EPHB1: variants seen among roughly 807,000 people sequenced by gnomAD.
The protein encoded by EPHB1 is EPH receptor B1, also known as ephrin type-B receptor 1.
EPHB1 carries 30 observed loss-of-function variants against 94.4 expected under a neutral mutation model. The ratio of observed to expected loss-of-function variants is 0.32; its 90% CI spans 0.24 to 0.43. The LOEUF (loss-of-function observed/expected upper bound fraction) is 0.43, where lower values mean the gene tolerates loss of function less well. Ranked by LOEUF, EPHB1 falls within the 20% of genes least tolerant of loss-of-function variation. The probability of loss-of-function intolerance (pLI) is 1.00; values close to 1 mark genes in which losing one functional copy is unlikely to be tolerated. For synonymous variants in EPHB1, 522 were observed against 489.1 expected (o/e 1.07, Z -0.89); for missense variants, 1,055 against 1,308.3 (o/e 0.81, Z 2.99).
intron 12 of EPHB1, among the ~76,000 whole-genome samples, chr3:135,234,054 C>CT (rs1943594526): frequency 6.6e-6 from 1 of 152,198 alleles, no homozygotes; most frequent in Non-Finnish European, 1.5e-5. Flanking sequence ...GACTCAGCTC[C>CT]TTATTAGTTA....
chr3:135,112,475 GTC>G (rs1939488702), intron 4 of EPHB1, among the ~76,000 whole-genome samples: 3 of 151,798 alleles, frequency 2.0e-5, no homozygotes, highest in African/African-American at 7.2e-5. Flanking sequence ...TGCCATGTTG[GTC>G]TGCTGCACCC....
intron 3 of EPHB1, among the ~76,000 whole-genome samples, chr3:135,008,435 T>G (rs1168742316): frequency 6.6e-6 from 1 of 151,662 alleles, no homozygotes; most frequent in Non-Finnish European, 1.5e-5. Flanking sequence ...CTACAGAGTG[T>G]GTTCTTAAGC....
At chr3:135,052,517 A>C (rs1056987597) in intron 3 of EPHB1, among the ~76,000 whole-genome samples, 3 of 152,054 alleles carry the variant, frequency 2.0e-5, no homozygotes, top group Admixed American at 1.3e-4. Context: ...CACTGTGGCC[A>C]AGTCATGGTG....
chr3:134,902,956 A>T (rs550747196), intron 1 of EPHB1, among the ~76,000 whole-genome samples: 3 of 152,240 alleles, frequency 2.0e-5, no homozygotes, highest in African/African-American at 7.2e-5. Context: ...TTCACCAGGC[A>T]TCTGTAAATT....
chr3:134,859,198 G>T (rs1000074778), intron 1 of EPHB1, among the ~76,000 whole-genome samples: 3 of 152,182 alleles, frequency 2.0e-5, no homozygotes, highest in Non-Finnish European at 4.4e-5. Flanking sequence ...ACAGAGACAT[G>T]CAGTATGATA....
At chr3:135,196,759 G>A (rs1443572751) in intron 11 of EPHB1, among the ~76,000 whole-genome samples, 2 of 152,078 alleles carry the variant, frequency 1.3e-5, no homozygotes, top group Non-Finnish European at 2.9e-5. Context: ...TAGCGTCTTT[G>A]GAGAGTGGCT....
intron 1 of EPHB1, among the ~76,000 whole-genome samples, chr3:134,859,236 G>A (rs1030237095): frequency 2.0e-4 from 30 of 152,156 alleles, no homozygotes; most frequent in African/African-American, 7.0e-4. Flanking sequence ...CTCTTTAATT[G>A]CACCTCCTTC....
At chr3:135,004,537 A>G (rs1377249484) in intron 3 of EPHB1, among the ~76,000 whole-genome samples, 11 of 152,272 alleles carry the variant, frequency 7.2e-5, no homozygotes, top group South Asian at 4.1e-4. Flanking sequence ...TCTCCTGGAT[A>G]ATATCCTGCA....
chr3:134,845,578 G>A lies in EPHB1; in HGVS notation c.58+49889G>A, dbSNP rs542558100. ...TCTGCTGTCCATGCCTCTTTGCCGT[G>A]GCTTCGAGGTCTCTGATCCAGGGCA... On this transcript the variant is annotated intron_variant, in intron 1 of 15. Coordinates refer to ENST00000398015, the MANE Select transcript of EPHB1 (RefSeq NM_004441.5). Among the ~76,000 whole-genome samples the A allele has an allele frequency of 2.0e-5, 3 of 151,950 alleles. No individual in the cohort carries two copies. The South Asian group carries it at 6.2e-4, about 32-fold the overall frequency.
chr3:134,838,731 G>A (rs1305200279), intron 1 of EPHB1, among the ~76,000 whole-genome samples: 1 of 152,132 alleles, frequency 6.6e-6, no homozygotes. Context: ...GGGTGTATCT[G>A]GATCTATTAA....
intron 1 of EPHB1, among the ~76,000 whole-genome samples, chr3:134,895,599 T>G (rs2038071891): frequency 6.6e-6 from 1 of 152,218 alleles, no homozygotes; most frequent in Admixed American, 6.5e-5. Flanking sequence ...ATACAGAATC[T>G]GAAAACATGC....
intron 3 of EPHB1, among the ~76,000 whole-genome samples, chr3:135,094,950 A>G (rs1938704746): frequency 6.6e-6 from 1 of 152,176 alleles, no homozygotes; most frequent in South Asian, 2.1e-4. Context: ...TCTCTCCCAC[A>G]TAGACACAAA....
chr3:135,234,518 A>C (rs1943602901), intron 12 of EPHB1, among the ~76,000 whole-genome samples: 1 of 152,174 alleles, frequency 6.6e-6, no homozygotes, highest in Non-Finnish European at 1.5e-5. Flanking sequence ...CCACATTTTC[A>C]GGTATCCTTA....
At chr3:134,848,984 A>G (rs1239616381) in intron 1 of EPHB1, among the ~76,000 whole-genome samples, 1 of 152,140 alleles carries the variant, frequency 6.6e-6, no homozygotes, top group African/African-American at 2.4e-5. Context: ...GGCAGGCAAG[A>G]CTCAGCCTTG....
At chr3:135,095,488 C>G (rs1938723419) in intron 3 of EPHB1, among the ~76,000 whole-genome samples, 1 of 152,302 alleles carries the variant, frequency 6.6e-6, no homozygotes, top group East Asian at 1.9e-4. Flanking sequence ...CCCCACTCCT[C>G]CAGTCCATTC....
At chr3:134,899,159 C>T (rs921901191) in intron 1 of EPHB1, among the ~76,000 whole-genome samples, 1 of 152,148 alleles carries the variant, frequency 6.6e-6, no homozygotes, top group African/African-American at 2.4e-5. Flanking sequence ...TGAGGGTTGA[C>T]AGGGCAATTC....
chr3:134,948,775 C>T (rs2039264474), intron 2 of EPHB1, among the ~76,000 whole-genome samples: 1 of 152,240 alleles, frequency 6.6e-6, no homozygotes, highest in South Asian at 2.1e-4. Flanking sequence ...GCAGCCCCCT[C>T]AGGGCTCACT....
chr3:135,236,005 T>C (rs368769204), intron 12 of EPHB1, among the ~76,000 whole-genome samples: 1 of 152,220 alleles, frequency 6.6e-6, no homozygotes, highest in Non-Finnish European at 1.5e-5. Flanking sequence ...TTAACAGTGG[T>C]ATTGTTAAAC....
intron 5 of EPHB1, among the ~76,000 whole-genome samples, chr3:135,152,574 T>G (rs1290475511): frequency 1.3e-5 from 2 of 152,092 alleles, no homozygotes; most frequent in African/African-American, 4.8e-5. Flanking sequence ...AGGTCTGATC[T>G]CTGTAAAGGA....
Sources: gnomAD v4.1 joint callset for allele counts (sites outside exome capture counted in the v4.1 genomes callset) on GRCh38, gnomAD v4.1.1 for gene constraint, MANE v1.5 for transcripts, NCBI Gene and HGNC (gene_info 2026-07-23, HGNC 2026-07-21) for gene names.